Variants in DEGS1 observed in about 807,000 individuals in gnomAD.
DEGS1 encodes sphingolipid delta(4)-desaturase DES1.
A neutral mutation model predicts 24.1 loss-of-function variants in DEGS1; 17 were observed. That is an observed-to-expected ratio of 0.70 (90% CI 0.48 to 1.06). The LOEUF (loss-of-function observed/expected upper bound fraction) is 1.06. Ranked by LOEUF, DEGS1 falls within the 50% of genes least tolerant of loss-of-function variation. The pLI, the probability that DEGS1 is intolerant of heterozygous loss-of-function variation, is 0.00. For synonymous variants in DEGS1, 134 were observed against 140.0 expected (o/e 0.96, Z 0.30); for missense variants, 366 against 408.9 (o/e 0.90, Z 0.91).
intron 1 of DEGS1, chr1:224,183,820 G>C (rs1048165198): frequency 6.4e-6 from 1 of 156,712 alleles, no homozygotes; most frequent in African/African-American, 2.4e-5. Context: ...CTCTCCTCCG[G>C]AGCGGGCCGA....
rs545928524 is a variant in DEGS1 at position 224,190,610 on chromosome 1, AAAAC to A, written c.825+295_825+298del. On this transcript the variant is annotated intron_variant, in intron 2 of 2. Transcript: ENST00000323699. ...TCCAAGCAGTTCATTAAAAAAAAAA[AAAAC>A]AAAAAGAGCAAGAATATAAATACTG... Among the ~76,000 whole-genome samples, 679 of 151,914 alleles carry A rather than the reference AAAAC, an allele frequency of 4.5e-3. 9 individuals carry two copies. The highest frequency in any genetic ancestry group is 0.013 in the African/African-American group (558 of 41,344).
chr1:224,187,058 C>G (rs1658413331), intron 1 of DEGS1, among the ~76,000 whole-genome samples: 1 of 152,084 alleles, frequency 6.6e-6, no homozygotes, highest in Non-Finnish European at 1.5e-5. Context: ...GCTGTAATCC[C>G]AGCCCTTGGG....
intron 1 of DEGS1, among the ~76,000 whole-genome samples, chr1:224,184,295 T>G (rs541351015): frequency 6.6e-6 from 1 of 152,328 alleles, no homozygotes; most frequent in East Asian, 1.9e-4. Flanking sequence ...ACTCCTAATA[T>G]GCTAGGGATT....
At chr1:224,186,758 A>C (rs1485868095) in intron 1 of DEGS1, among the ~76,000 whole-genome samples, 1 of 151,974 alleles carries the variant, frequency 6.6e-6, no homozygotes, top group Admixed American at 6.6e-5. Flanking sequence ...TTTCTCAATG[A>C]AAATACAGTG....
At chr1:224,191,401 AAGAG>A (rs1286605510) in intron 2 of DEGS1, among the ~76,000 whole-genome samples, 1 of 149,068 alleles carries the variant, frequency 6.7e-6, no homozygotes, top group Non-Finnish European at 1.5e-5. Flanking sequence ...AAAAAAAAAA[AAGAG>A]AGAGATGGGT....
chr1:224,184,989 A>G (rs1658340802), intron 1 of DEGS1, among the ~76,000 whole-genome samples: 1 of 105,548 alleles, frequency 9.5e-6, no homozygotes, highest in South Asian at 3.3e-4. Context: ...ACACACACAC[A>G]CACACACACA....
At chr1:224,183,671 C>T in intron 1 of DEGS1, 1 of 311,434 alleles carries the variant, frequency 3.2e-6, no homozygotes, top group East Asian at 5.2e-5. Flanking sequence ...CAGGCGCGTC[C>T]CCGAGCGCGG....
Position 224,189,742 on chromosome 1 carries a change from C to T in DEGS1, c.248C>T (p.Ser83Leu), listed in dbSNP as rs745420454. The T allele has an allele frequency of 1.2e-6, 2 of 1,614,192 alleles. No individual in the cohort carries two copies. Among genetic ancestry groups the T allele is most frequent in the South Asian group, 2.2e-5 (2 of 91,082 alleles). ...GCGTTTGGCAGTTGCATTAACCACT[C>T]AATGACTCTGGCTATTCATGAGATT... ...AYAFGSCINH[S>L]MTLAIHEIAH... The change falls in exon 2 of 3, where the codon TCA (serine) becomes TTA (leucine). Residue 83 changes from serine to leucine, a missense_variant. Coordinates refer to ENST00000323699, the MANE Select transcript of DEGS1 (RefSeq NM_003676.4).
At position 224,183,271 on chromosome 1, in the gene DEGS1, C is replaced by T; in HGVS notation, c.-66C>T. The T allele has an allele frequency of 7.2e-7, 1 of 1,395,786 alleles. No individual in the cohort carries two copies. The highest frequency in any genetic ancestry group is 9.5e-7 in the Non-Finnish European group (1 of 1,053,130). The allele number at this position is 1,395,786 out of a possible 1,614,324, so 86.5% of individuals were successfully genotyped here. A position where few individuals can be genotyped will look rare whatever the true frequency, so the allele number is the denominator to read the frequency against. On this transcript the variant is annotated 5_prime_UTR_variant, in exon 1 of 3. Transcript: ENST00000323699. ...CCAGCCGGGGAGCCGCCGCCGCCGC[C>T]GCCACCTCTGAGCAGCCGGCTGGGA...
intron 1 of DEGS1, 69 bp downstream of exon 1, chr1:224,183,487 G>C: frequency 1.7e-6 from 2 of 1,202,826 alleles, no homozygotes; most frequent in Non-Finnish European, 2.1e-6. Flanking sequence ...CTCTCCCCTC[G>C]CGGGCCCTGC....
chr1:224,192,492 C>G lies in DEGS1; in HGVS notation c.*14C>G, dbSNP rs751474206. ...GTGCTGGAGTAAATATCATTAGTGC[C>G]AAAGGGATTCTTCTCCAAAACTTTA... is the stretch of plus-strand genomic sequence containing the variant. On this transcript the variant is annotated 3_prime_UTR_variant, in exon 3 of 3. Coordinates refer to ENST00000323699, the MANE Select transcript of DEGS1 (RefSeq NM_003676.4). 6 of 1,595,862 alleles carry G rather than the reference C, an allele frequency of 3.8e-6. No individual in the cohort carries two copies. The highest frequency in any genetic ancestry group is 3.3e-4 in the Middle Eastern group (2 of 6,040).
At chr1:224,189,384 T>C (rs2102655701) in intron 1 of DEGS1, among the ~76,000 whole-genome samples, 193 bp from the exon 2 acceptor site, 1 of 152,338 alleles carries the variant, frequency 6.6e-6, no homozygotes, top group African/African-American at 2.4e-5. Flanking sequence ...CAAATTATTG[T>C]GACATGATAT....
intron 2 of DEGS1, among the ~76,000 whole-genome samples, chr1:224,190,619 A>G (rs1002287154): frequency 2.1e-4 from 32 of 151,778 alleles, no homozygotes; most frequent in African/African-American, 7.7e-4. Context: ...AAAAACAAAA[A>G]GAGCAAGAAT....
At position 224,183,284 on chromosome 1, in the gene DEGS1, C is replaced by A. The variant is rs547504098; in HGVS notation, c.-53C>A. ...CGCCGCCGCCGCCGCCACCTCTGAG[C>A]AGCCGGCTGGGAGCGAGAGCCGACA... On this transcript the variant is annotated 5_prime_UTR_variant, in exon 1 of 3. Coordinates refer to ENST00000323699, the MANE Select transcript of DEGS1 (RefSeq NM_003676.4). The A allele has an allele frequency of 4.2e-6, 6 of 1,444,964 alleles. No individual in the cohort carries two copies. Among genetic ancestry groups the A allele is most frequent in the South Asian group, 4.1e-5 (3 of 73,998 alleles). 89.5% of individuals were successfully genotyped at this position (1,444,964 alleles called of 1,614,324 possible). A position where few individuals can be genotyped will look rare whatever the true frequency, so the allele number is the denominator to read the frequency against.
chr1:224,191,816 C>A (rs1158636412), intron 2 of DEGS1, among the ~76,000 whole-genome samples: 1 of 151,850 alleles, frequency 6.6e-6, no homozygotes, highest in African/African-American at 2.4e-5. Context: ...AGGCTGGTCT[C>A]GAACTCCTGA....
In DEGS1 at chr1:224,186,509, C is replaced by G. The variant is rs142696610; in HGVS notation, c.83-3068C>G. Among the ~76,000 whole-genome samples the G allele has an allele frequency of 9.9e-5, 15 of 151,926 alleles. No homozygotes were observed. The East Asian group carries it at 1.5e-3, about 16-fold the overall frequency. ...TGGGCGGATCATGAGGTCAGGAGAT[C>G]GAGACCATCCTGGCTAACACGGTGA... On this transcript the variant is annotated intron_variant, in intron 1 of 2. Coordinates refer to ENST00000323699, the MANE Select transcript of DEGS1 (RefSeq NM_003676.4).
intron 1 of DEGS1, among the ~76,000 whole-genome samples, chr1:224,187,111 C>A (rs1208433197): frequency 6.6e-6 from 1 of 152,078 alleles, no homozygotes; most frequent in Non-Finnish European, 1.5e-5. Flanking sequence ...AGTTCAAGAC[C>A]AGTCTGGCCA....
rs1480407043 is a variant in DEGS1 at position 224,183,374 on chromosome 1, T to A, written c.38T>A (p.Val13Asp). 3 of 1,456,094 alleles carry A rather than the reference T, an allele frequency of 2.1e-6. No individual in the cohort carries two copies. The highest frequency in any genetic ancestry group is 2.7e-6 in the Non-Finnish European group (3 of 1,097,570). 90.2% of individuals were successfully genotyped at this position (1,456,094 alleles called of 1,614,324 possible). ...GTCTCGCGGGAAGACTTCGAGTGGG[T>A]CTACACCGACCAGCCGCACGCCGAC... ...SRVSREDFEW[V>D]YTDQPHADRR... Residue 13 changes from valine to aspartate, a missense_variant, in exon 1 of 3, where the codon GTC (valine) becomes GAC (aspartate). Transcript: ENST00000323699.
At chr1:224,186,730 A>G (rs1408094135) in intron 1 of DEGS1, among the ~76,000 whole-genome samples, 1 of 151,804 alleles carries the variant, frequency 6.6e-6, no homozygotes, top group Non-Finnish European at 1.5e-5. Flanking sequence ...AAAAAAAAAA[A>G]AAAAGAAGGA....
Sources: allele counts gnomAD v4.1 joint callset (sites outside exome capture counted in the v4.1 genomes callset), GRCh38; gene constraint gnomAD v4.1.1; transcripts MANE v1.5; gene names NCBI Gene and HGNC (gene_info 2026-07-23, HGNC 2026-07-21).